CSMD1: variants seen among roughly 807,000 people sequenced by gnomAD.
CSMD1 encodes the protein CUB and Sushi multiple domains 1, also known as CUB and sushi domain-containing protein 1.
Under a neutral mutation model 417.5 loss-of-function variants are expected in CSMD1, and 213 were observed. That is an observed-to-expected ratio of 0.51 (90% CI 0.46 to 0.57). The LOEUF (loss-of-function observed/expected upper bound fraction) is 0.57. CSMD1 is among the 20% of genes least tolerant of loss of function. The probability of loss-of-function intolerance (pLI) is 0.00; values close to 1 mark genes in which losing one functional copy is unlikely to be tolerated. For synonymous variants in CSMD1, 2,862 were observed against 1,736.8 expected, an observed-to-expected ratio of 1.65 and a Z score of -16.11; for missense variants, 6,923 against 4,529.7, an observed-to-expected ratio of 1.53 and a Z score of -15.17.
intron 3 of CSMD1, among the ~76,000 whole-genome samples, chr8:4,306,968 G>A (rs1010437516): frequency 6.6e-6 from 1 of 152,120 alleles, no homozygotes; most frequent in Non-Finnish European, 1.5e-5. Flanking sequence ...GCATCTCTCA[G>A]ATCGACTGTC....
chr8:3,789,324 G>A (rs1585000735), intron 5 of CSMD1, among the ~76,000 whole-genome samples: 1 of 150,234 alleles, frequency 6.7e-6, no homozygotes, highest in South Asian at 2.1e-4. Context: ...AGCCCCAACA[G>A]ACTAATACAG....
At chr8:3,153,749 G>T (rs1402577643) in intron 39 of CSMD1, among the ~76,000 whole-genome samples, 1 of 152,170 alleles carries the variant, frequency 6.6e-6, no homozygotes, top group African/African-American at 2.4e-5. Flanking sequence ...GGATGTCTGT[G>T]TCCCACACAG....
chr8:3,790,520 C>T (rs1270034541), intron 5 of CSMD1, among the ~76,000 whole-genome samples: 9 of 152,100 alleles, frequency 5.9e-5, no homozygotes, highest in Admixed American at 1.3e-4. Context: ...CGGTGATAAC[C>T]GTGTGATGGT....
At chr8:3,884,736 A>G (rs945514326) in intron 5 of CSMD1, among the ~76,000 whole-genome samples, 2 of 152,120 alleles carry the variant, frequency 1.3e-5, no homozygotes, top group African/African-American at 4.8e-5. Context: ...CTTAACTTGT[A>G]TAAAACCTGT....
Position 3,439,908 on chromosome 8 carries a change from G to C in CSMD1, c.1561+28804C>G, listed in dbSNP as rs747581660. Among the ~76,000 whole-genome samples the C allele has an allele frequency of 9.2e-5, 14 of 152,294 alleles. No individual in the cohort carries two copies. In the Middle Eastern group the frequency reaches 0.02, roughly 222 times the overall value. Reference sequence around the variant, plus strand: ...TTGTCCTGGAGCCATTCACTGAAAAGACTATTCTTCCTCCATTGAATTGCT... The same window carrying C: ...TTGTCCTGGAGCCATTCACTGAAAACACTATTCTTCCTCCATTGAATTGCT... On this transcript the variant is annotated intron_variant, in intron 12 of 69. Transcript: ENST00000635120.
At chr8:3,807,812 C>G (rs998549285) in intron 5 of CSMD1, among the ~76,000 whole-genome samples, 3 of 152,172 alleles carry the variant, frequency 2.0e-5, no homozygotes, top group Admixed American at 2.0e-4. Flanking sequence ...TGCACAGACC[C>G]TCACTGAGAT....
intron 53 of CSMD1, among the ~76,000 whole-genome samples, chr8:2,998,482 T>G (rs748734378): frequency 6.6e-6 from 1 of 152,214 alleles, no homozygotes; most frequent in Non-Finnish European, 1.5e-5. Flanking sequence ...CCAAATGATT[T>G]AAAAACGAAG....
chr8:3,344,447 G>A (rs956265383), intron 22 of CSMD1, among the ~76,000 whole-genome samples: 13 of 152,094 alleles, frequency 8.5e-5, no homozygotes, highest in African/African-American at 2.4e-4. Context: ...GTATCCCAGA[G>A]CTTAAGATAA....
chr8:4,936,982 T>A (rs995939261), intron 1 of CSMD1, among the ~76,000 whole-genome samples: 1 of 152,186 alleles, frequency 6.6e-6, no homozygotes, highest in Non-Finnish European at 1.5e-5. Context: ...AGGCCAAGGC[T>A]GGAGGATACC....
intron 2 of CSMD1, among the ~76,000 whole-genome samples, chr8:4,486,822 A>G (rs976858931): frequency 3.3e-4 from 51 of 152,328 alleles, no homozygotes; most frequent in African/African-American, 1.2e-3. Context: ...GGTGCCTGCA[A>G]AAGTTCCACT....
At chr8:4,750,280 T>A (rs1398028155) in intron 1 of CSMD1, among the ~76,000 whole-genome samples, 1 of 152,164 alleles carries the variant, frequency 6.6e-6, no homozygotes, top group Non-Finnish European at 1.5e-5. Flanking sequence ...GTGCTGGGAT[T>A]ACAGGGTGAA....
At chr8:4,203,477 A>C (rs1799785977) in intron 3 of CSMD1, among the ~76,000 whole-genome samples, 1 of 152,208 alleles carries the variant, frequency 6.6e-6, no homozygotes, top group Admixed American at 6.5e-5. Flanking sequence ...TATAATGAAG[A>C]AAACATGTTT....
chr8:3,288,735 C>T (rs1041610120), intron 25 of CSMD1, among the ~76,000 whole-genome samples: 8 of 146,684 alleles, frequency 5.5e-5, no homozygotes, highest in Admixed American at 2.7e-4. Flanking sequence ...TTTTGTTGAT[C>T]TTTTCAAAAA....
chr8:3,890,772 G>C (rs1181053164), intron 5 of CSMD1, among the ~76,000 whole-genome samples: 1 of 152,102 alleles, frequency 6.6e-6, no homozygotes, highest in East Asian at 1.9e-4. Flanking sequence ...TAATGTTTGA[G>C]CAAATTTTTG....
At chr8:4,714,860 G>A (rs560378590) in intron 1 of CSMD1, among the ~76,000 whole-genome samples, 5 of 152,140 alleles carry the variant, frequency 3.3e-5, no homozygotes, top group East Asian at 1.9e-4. Flanking sequence ...TCTTAAAACC[G>A]AAGAAAAAAA....
At chr8:3,644,312 G>A (rs981957212) in intron 7 of CSMD1, among the ~76,000 whole-genome samples, 1 of 152,194 alleles carries the variant, frequency 6.6e-6, no homozygotes, top group African/African-American at 2.4e-5. Context: ...CAATTTTGCT[G>A]AAAGCATAGG....
intron 1 of CSMD1, among the ~76,000 whole-genome samples, chr8:4,961,781 ACT>A (rs888146457): frequency 6.0e-5 from 9 of 150,892 alleles, no homozygotes; most frequent in South Asian, 2.1e-4. Context: ...CATTTCTGAG[ACT>A]CTTTTTGTAT....
At chr8:4,801,890 T>C (rs143946770) in intron 1 of CSMD1, among the ~76,000 whole-genome samples, 43 of 152,338 alleles carry the variant, frequency 2.8e-4, no homozygotes, top group Non-Finnish European at 4.0e-4. Context: ...ATTTTAAGCA[T>C]AGGTACTATT....
rs544695926 is a variant in CSMD1, at chr8:4,579,748, C to A, written c.302+57594G>T. Among the ~76,000 whole-genome samples, 4 of 152,198 alleles carry A rather than the reference C, an allele frequency of 2.6e-5. No homozygotes were observed. The East Asian group carries it at 7.7e-4, about 29-fold the overall frequency. On this transcript the variant is annotated intron_variant, in intron 2 of 69. Coordinates refer to ENST00000635120, the MANE Select transcript of CSMD1 (RefSeq NM_033225.6). Reference sequence around the variant, plus strand: ...CATGGTGAATTTCCATGTAAATTTACATGGTGAATTTTTACAGGTGAATTT... The same window carrying A: ...CATGGTGAATTTCCATGTAAATTTAAATGGTGAATTTTTACAGGTGAATTT...
Sources: gnomAD v4.1 joint callset for allele counts (sites outside exome capture counted in the v4.1 genomes callset) on GRCh38, gnomAD v4.1.1 for gene constraint, MANE v1.5 for transcripts, NCBI Gene and HGNC (gene_info 2026-07-23, HGNC 2026-07-21) for gene names.